Variants in BCAR3 observed in about 807,000 individuals in gnomAD.
BCAR3 encodes the protein BCAR3 adaptor protein, NSP family member.
BCAR3 carries 37 observed loss-of-function variants against 80.1 expected under a neutral mutation model. The observed-to-expected ratio is 0.46, with a 90% CI of 0.36 to 0.61. The LOEUF is 0.61. BCAR3 is among the 20% of genes least tolerant of loss of function. BCAR3 has a pLI of 0.00. For synonymous variants in BCAR3, 389 were observed against 418.9 expected, an observed-to-expected ratio of 0.93 and a Z score of 0.87; for missense variants, 978 against 1,068.2, an observed-to-expected ratio of 0.92 and a Z score of 1.18.
intron 2 of BCAR3, among the ~76,000 whole-genome samples, chr1:93,644,592 G>A (rs1206759421): frequency 2.0e-5 from 3 of 152,176 alleles, no homozygotes; most frequent in Admixed American, 1.3e-4. Flanking sequence ...CCTCCTGAGG[G>A]CTGTGTCACA....
chr1:93,754,562 A>G (rs370515206), intron 2 of BCAR3, among the ~76,000 whole-genome samples: 1 of 152,248 alleles, frequency 6.6e-6, no homozygotes, highest in East Asian at 1.9e-4. Context: ...TATACAGTCA[A>G]TGATGACTCA....
At chr1:93,720,585 G>A (rs532971825) in intron 2 of BCAR3, among the ~76,000 whole-genome samples, 38 of 152,314 alleles carry the variant, frequency 2.5e-4, no homozygotes, top group African/African-American at 8.2e-4. Flanking sequence ...AAGTTGGGTC[G>A]ATGCTCCGGT....
intron 3 of BCAR3, among the ~76,000 whole-genome samples, chr1:93,625,138 G>A (rs953802014): frequency 1.3e-5 from 2 of 152,214 alleles, no homozygotes; most frequent in East Asian, 1.9e-4. Flanking sequence ...GTGAACCCAG[G>A]AGGCAGAGCT....
chr1:93,588,548 C>A (rs1674037898), intron 5 of BCAR3, among the ~76,000 whole-genome samples: 1 of 152,164 alleles, frequency 6.6e-6, no homozygotes, highest in South Asian at 2.1e-4. Flanking sequence ...CTCCCTAAGC[C>A]CACTGCTACG....
intron 3 of BCAR3, among the ~76,000 whole-genome samples, chr1:93,687,991 T>G (rs1219563884): frequency 6.6e-6 from 1 of 152,200 alleles, no homozygotes; most frequent in Admixed American, 6.5e-5. Flanking sequence ...ATATCATAAC[T>G]ACTGATACAA....
chr1:93,654,685 G>T (rs1483787085), intron 2 of BCAR3, among the ~76,000 whole-genome samples: 1 of 151,944 alleles, frequency 6.6e-6, no homozygotes, highest in Non-Finnish European at 1.5e-5. Context: ...TCTTCCTGTT[G>T]CTCAGACATG....
intron 3 of BCAR3, among the ~76,000 whole-genome samples, chr1:93,598,625 A>G (rs1163175693): frequency 1.3e-5 from 2 of 152,186 alleles, no homozygotes; most frequent in Non-Finnish European, 2.9e-5. Flanking sequence ...AGAACAGTTT[A>G]ACACATTCCA....
At chr1:93,842,944 C>T (rs1462561852) in intron 2 of BCAR3, among the ~76,000 whole-genome samples, 1 of 152,196 alleles carries the variant, frequency 6.6e-6, no homozygotes, top group Non-Finnish European at 1.5e-5. Context: ...TAATCACACT[C>T]AGCACTGAGA....
Position 93,571,729 on chromosome 1 carries a change from C to G in BCAR3, c.1915G>C (p.Asp639His). The change falls in exon 9 of 12, where the codon GAT becomes CAT. Residue 639 changes from aspartate (D) to histidine (H), a missense_variant. Asp to His is a moderately conservative substitution (Grantham distance 81). Transcript: ENST00000260502. ...AAGGAATAGAGGTCCCCCATGGAATCCTTCAGTTCCACCGCCACCTGGATG... is the reference window on the plus strand; with the variant it reads ...AAGGAATAGAGGTCCCCCATGGAATGCTTCAGTTCCACCGCCACCTGGATG... Reference protein sequence around the residue: ...KIIQVAVELKDSMGDLYSFSA... With the variant: ...KIIQVAVELKHSMGDLYSFSA... 1 of 1,614,144 alleles carries G rather than the reference C, an allele frequency of 6.2e-7. No homozygotes were observed. Among genetic ancestry groups the G allele is most frequent in the South Asian group, 1.1e-5 (1 of 91,074 alleles).
intron 2 of BCAR3, among the ~76,000 whole-genome samples, chr1:93,716,995 C>A (rs1320545144): frequency 6.6e-6 from 1 of 152,244 alleles, no homozygotes; most frequent in African/African-American, 2.4e-5. Context: ...GAATCAATTT[C>A]TCTACTCCTT....
chr1:93,657,567 T>G (rs569869418), intron 2 of BCAR3, among the ~76,000 whole-genome samples: 15 of 151,960 alleles, frequency 9.9e-5, no homozygotes, highest in Non-Finnish European at 2.1e-4. Context: ...AAAATATATA[T>G]CATAATCAAA....
Position 93,567,344 on chromosome 1 carries a change from G to T in BCAR3, c.2234C>A (p.Ala745Glu). The change falls in exon 11 of 12, where the codon GCA (alanine) becomes GAA (glutamate). Residue 745 changes from alanine (A) to glutamate (E), a missense_variant. Physicochemically the swap from Ala to Glu is moderately radical, Grantham distance 107 (BLOSUM62 -1). Transcript: ENST00000260502. ...AGCCTCGGCCATGAATCGCGCTGTT[G>T]CCAAATGGTTCAGCATGATTTCACA... ...QSCEIMLNHL[A>E]TARFMAEAAD... 1 of 1,614,184 alleles carries T rather than the reference G, an allele frequency of 6.2e-7. No individual in the cohort carries two copies. Among genetic ancestry groups the T allele is most frequent in the Non-Finnish European group, 8.5e-7 (1 of 1,180,030 alleles).
upstream of BCAR3, among the ~76,000 whole-genome samples, chr1:93,684,571 G>A (rs943071081): frequency 2.6e-5 from 4 of 152,190 alleles, no homozygotes; most frequent in African/African-American, 9.7e-5. Context: ...AGAGATAGGA[G>A]GCATCTCTAT....
At position 93,569,086 on chromosome 1, in the gene BCAR3, T is replaced by TA. The variant is rs1282253890; in HGVS notation, c.1975-1236dup. On this transcript the variant is annotated intron_variant, in intron 9 of 11. Transcript: ENST00000260502. ...ACCACTGACTCTGACTGTCCTAAGA[T>TA]AAATGGTCCCCAACTCATACCCTAA... Among the ~76,000 whole-genome samples the TA allele has an allele frequency of 3.3e-5, 5 of 152,330 alleles. No homozygotes were observed. The East Asian group carries it at 9.6e-4, about 29-fold the overall frequency.
intron 3 of BCAR3, among the ~76,000 whole-genome samples, chr1:93,703,572 GAAA>G (rs5776186): frequency 5.0e-5 from 7 of 140,636 alleles, no homozygotes; most frequent in African/African-American, 1.9e-4. Context: ...CTCTTAAAAA[GAAA>G]AAAAAAAAAA....
At chr1:93,613,926 G>A in intron 3 of BCAR3, 1 of 1,550,436 alleles carries the variant, frequency 6.4e-7, no homozygotes, top group Non-Finnish European at 8.7e-7. Flanking sequence ...GCATTCCTTA[G>A]GCATCTTTCG....
At chr1:93,633,917 A>G (rs1445813497) in intron 3 of BCAR3, among the ~76,000 whole-genome samples, 1 of 152,098 alleles carries the variant, frequency 6.6e-6, no homozygotes, top group African/African-American at 2.4e-5. Context: ...GAGCCACCAC[A>G]CCCAGCCTAG....
intron 2 of BCAR3, among the ~76,000 whole-genome samples, chr1:93,780,673 G>A (rs1315240555): frequency 6.6e-6 from 1 of 151,918 alleles, no homozygotes; most frequent in Non-Finnish European, 1.5e-5. Context: ...CATTGTGGAT[G>A]GTTTCATTTG....
At chr1:93,649,461 A>T (rs1429293825) in intron 2 of BCAR3, among the ~76,000 whole-genome samples, 1 of 152,036 alleles carries the variant, frequency 6.6e-6, no homozygotes. Flanking sequence ...AAAGAGAACT[A>T]GCTTAGGAAG....
Sources: gnomAD v4.1 joint callset for allele counts (sites outside exome capture counted in the v4.1 genomes callset) on GRCh38, gnomAD v4.1.1 for gene constraint, MANE v1.5 for transcripts, NCBI Gene and HGNC (gene_info 2026-07-23, HGNC 2026-07-21) for gene names.